The following GRIP2 variants were observed in gnomAD, a reference collection of about 807,000 sequenced individuals.
GRIP2 encodes the protein glutamate receptor-interacting protein 2.
Under a neutral mutation model 108.3 loss-of-function variants are expected in GRIP2, and 58 were observed. That is an observed-to-expected ratio of 0.54 (90% CI 0.43 to 0.67). The LOEUF (loss-of-function observed/expected upper bound fraction) is 0.67. Ranked by LOEUF, GRIP2 falls within the 30% of genes least tolerant of loss-of-function variation. The pLI is 0.00. For synonymous variants in GRIP2, 586 were observed against 598.2 expected (o/e 0.98, Z 0.30); for missense variants, 1,278 against 1,430.6 (o/e 0.89, Z 1.72).
At chr3:14,571,815 G>A in the GRIP2 span, among the ~76,000 whole-genome samples, 8 of 152,264 alleles carry the variant, frequency 5.3e-5, no homozygotes, top group East Asian at 1.5e-3. Flanking sequence ...ACCAGGTGGT[G>A]TTGATACACA....
Position 14,522,080 on chromosome 3 carries a change from G to T in GRIP2, c.567-293C>A. 2.7e-6 allele frequency: 1 copy of T among 364,396 alleles called. No individual in the cohort carries two copies. The highest frequency in any genetic ancestry group is 4.9e-6 in the Non-Finnish European group (1 of 204,106). 22.6% of individuals were successfully genotyped at this position (364,396 alleles called of 1,614,324 possible). A position where few individuals can be genotyped will look rare whatever the true frequency, so the allele number is the denominator to read the frequency against. ...CAGACTCAGTGCAGAACCCTGAAAT[G>T]TCTGAGCTGGGGGTGCTCTTCAAGC... On this transcript the variant is annotated intron_variant, in intron 6 of 23. Transcript: ENST00000621039. The surrounding 1 kb of genome is among the most constrained non-coding windows in gnomAD (Gnocchi z 4.3).
In GRIP2 at chr3:14,512,927, C is replaced by T. The variant is rs1694139976; in HGVS notation, c.1640-70G>A. The T allele has an allele frequency of 2.2e-6, 3 of 1,381,314 alleles. No individual in the cohort carries two copies. Among genetic ancestry groups the T allele is most frequent in the Non-Finnish European group, 3.1e-6 (3 of 969,140 alleles). 85.6% of individuals were successfully genotyped at this position (1,381,314 alleles called of 1,614,324 possible). On this transcript the variant is annotated intron_variant, in intron 13 of 23. Transcript: ENST00000621039. The surrounding 1 kb of genome is among the most constrained non-coding windows in gnomAD (Gnocchi z 5.1). ...AGCCTCAGCGAACCCCAGCCCCATG[C>T]CCATTCTGGCTGTGCTGGGAGTGAC...
upstream of GRIP2, among the ~76,000 whole-genome samples, chr3:14,557,145 G>A (rs777231354): frequency 5.9e-5 from 9 of 152,180 alleles, no homozygotes; most frequent in Non-Finnish European, 8.8e-5. Context: ...CCATCACTTC[G>A]CAGCAATCCT....
the GRIP2 span, chr3:14,574,007 G>T: frequency 7.8e-7 from 1 of 1,287,748 alleles, no homozygotes; most frequent in Non-Finnish European, 1.1e-6. Flanking sequence ...TGGCACCCAG[G>T]TGGATGAGGG....
At position 14,514,327 on chromosome 3, in the gene GRIP2, G is replaced by T; in HGVS notation, c.1458C>A (p.Leu486=). ...FATETLSSPP[L]VCFIEPDSPA... is the part of the protein sequence containing the mutation. ...GACTGTCAGGCTCGATGAAGCACAC[G>T]AGGGGTGGGGAGGACAGGGTCTCGG... The change falls in exon 12 of 24, where the codon CTC becomes CTA. Residue 486 remains leucine (L), a synonymous_variant. Transcript: ENST00000621039. The T allele has an allele frequency of 1.9e-6, 3 of 1,576,532 alleles. No homozygotes were observed. The highest frequency in any genetic ancestry group is 1.7e-6 in the Non-Finnish European group (2 of 1,162,196).
chr3:14,543,946 T>C (rs560894896), upstream of GRIP2, among the ~76,000 whole-genome samples: 1 of 152,190 alleles, frequency 6.6e-6, no homozygotes, highest in Non-Finnish European at 1.5e-5. Flanking sequence ...ACACCTACCC[T>C]CTAGGGTTGG....
chr3:14,530,449 T>C (rs4685189), intron 1 of GRIP2, among the ~76,000 whole-genome samples: 62,591 of 151,812 alleles, frequency 0.41, 14,140 homozygotes, highest in South Asian at 0.61. Context: ...TTGTGGAGAA[T>C]TGATGTCTTT....
At chr3:14,549,026 T>A (rs1170400366) in intron 1 of GRIP2, among the ~76,000 whole-genome samples, 1 of 152,170 alleles carries the variant, frequency 6.6e-6, no homozygotes, top group Non-Finnish European at 1.5e-5. Flanking sequence ...TCTCAGCCCT[T>A]CCTCCACCTG....
At chr3:14,555,787 C>T (rs1163482384) in intron 1 of GRIP2, 2 of 399,400 alleles carry the variant, frequency 5.0e-6, no homozygotes, top group Non-Finnish European at 8.8e-6. Flanking sequence ...AGCAGAGAAA[C>T]CCAAAAGGCT....
the GRIP2 span, among the ~76,000 whole-genome samples, chr3:14,563,181 T>C: frequency 3.2e-3 from 493 of 152,124 alleles, no homozygotes; most frequent in Non-Finnish European, 5.3e-3. Context: ...GGGTACAAGA[T>C]GATATGAAGA....
At chr3:14,574,205 G>A in the GRIP2 span, 1 of 872,202 alleles carries the variant, frequency 1.1e-6, no homozygotes, top group Non-Finnish European at 2.0e-6. Flanking sequence ...GGGTGAAGAA[G>A]GGCCTGTGGC....
chr3:14,589,033 C>A, the GRIP2 span, among the ~76,000 whole-genome samples: 36 of 152,318 alleles, frequency 2.4e-4, 1 homozygote, highest in South Asian at 7.3e-3. Flanking sequence ...CACTCGGGAC[C>A]TTGAACAAGC....
chr3:14,493,696 G>C lies in GRIP2; in HGVS notation c.3101C>G (p.Ser1034Trp). ...CATCCGGGGACTGCTGGGGCCTGGCGATCGGGGGGCCCGGCTGCTGTGTGC... is the reference window on the plus strand; with the variant it reads ...CATCCGGGGACTGCTGGGGCCTGGCCATCGGGGGGCCCGGCTGCTGTGTGC... ...HTAHSSRAPR[S>W]PGPSSPRML Residue 1034 changes from serine to tryptophan, a missense_variant, in exon 24 of 24, where the codon TCG (serine) becomes TGG (tryptophan). Transcript: ENST00000621039. 6.2e-7 allele frequency: 1 copy of C among 1,608,034 alleles called. No individual in the cohort carries two copies. The highest frequency in any genetic ancestry group is 8.5e-7 in the Non-Finnish European group (1 of 1,177,606).
chr3:14,511,499 G>A lies in GRIP2; in HGVS notation c.1721-20C>T, dbSNP rs1265977261. On this transcript the variant is annotated intron_variant, in intron 14 of 23. Coordinates refer to ENST00000621039, the MANE Select transcript of GRIP2 (RefSeq NM_001080423.4). This position sits in a 1 kb window ranked among gnomAD's most constrained non-coding sequence, Gnocchi z 4.1. ...TGGCCGCTGGAGAAAAAGAGGCCAT[G>A]AATCTGACCTTGGTGGCCTCAGCCT... 3 of 1,611,766 alleles carry A rather than the reference G, an allele frequency of 1.9e-6. No individual in the cohort carries two copies. The highest frequency in any genetic ancestry group is 1.7e-6 in the Non-Finnish European group (2 of 1,179,370).
intron 21 of GRIP2, 88 bp downstream of exon 21, chr3:14,503,478 C>T (rs1693824022): frequency 1.2e-6 from 1 of 869,542 alleles, no homozygotes; most frequent in Non-Finnish European, 1.8e-6. Context: ...GAGCATGATG[C>T]CATCAGCATG....
upstream of GRIP2, among the ~76,000 whole-genome samples, chr3:14,559,439 CA>C (rs56183499): frequency 0.026 from 3,187 of 121,728 alleles, 95 homozygotes; most frequent in African/African-American, 0.1. Flanking sequence ...AAGAATTTAT[CA>C]AAAAAAAAAA....
At chr3:14,563,619 G>A in the GRIP2 span, among the ~76,000 whole-genome samples, 1 of 152,110 alleles carries the variant, frequency 6.6e-6, no homozygotes, top group African/African-American at 2.4e-5. Flanking sequence ...CCCTCTGGCT[G>A]CTAGAGGGAG....
the GRIP2 span, among the ~76,000 whole-genome samples, chr3:14,598,802 G>T: frequency 2.6e-5 from 4 of 151,882 alleles, no homozygotes; most frequent in South Asian, 2.1e-4. Context: ...AGGTCAAACT[G>T]TCCTCCCCAC....
In GRIP2 at chr3:14,503,626, A is replaced by C. The variant is rs754909417; in HGVS notation, c.2619T>G (p.Phe873Leu). The C allele has an allele frequency of 6.2e-7, 1 of 1,611,290 alleles. No individual in the cohort carries two copies. Among genetic ancestry groups the C allele is most frequent in the Admixed American group, 1.7e-5 (1 of 59,810 alleles). Residue 873 changes from phenylalanine to leucine, a missense_variant, in exon 21 of 24, where the codon TTT becomes TTG. Phe to Leu is a conservative substitution (Grantham distance 22, BLOSUM62 0). Coordinates refer to ENST00000621039, the MANE Select transcript of GRIP2 (RefSeq NM_001080423.4). ...ACTCCAGGTCTTCGAGAGCTTCTCC[A>C]AACATGCGCCAGAAGCCCTCCTCTC... ...PAREEGFWRM[F>L]GEALEDLESC...
Sources: gnomAD v4.1 joint callset for allele counts (sites outside exome capture counted in the v4.1 genomes callset) on GRCh38, gnomAD v4.1.1 for gene constraint, Gnocchi (gnomAD v3.1) non-coding constraint, MANE v1.5 for transcripts, NCBI Gene and HGNC (gene_info 2026-07-23, HGNC 2026-07-21) for gene names.